DBH: variants seen among roughly 807,000 people sequenced by gnomAD.
The protein encoded by DBH is dopamine beta-hydroxylase, also known as dopamine beta-hydroxylase (dopamine beta-monooxygenase).
In DBH, 49 loss-of-function variants were observed where a neutral mutation model predicts 64.0. The ratio of observed to expected loss-of-function variants is 0.77; its 90% CI spans 0.61 to 0.97. DBH has a LOEUF of 0.97. Among genes scored for constraint, DBH ranks in the 50% least tolerant of loss-of-function variants. The probability of loss-of-function intolerance (pLI) is 0.00; values close to 1 mark genes in which losing one functional copy is unlikely to be tolerated. For synonymous variants in DBH, 343 were observed against 347.1 expected, an observed-to-expected ratio of 0.99 and a Z score of 0.13; for missense variants, 828 against 826.6, an observed-to-expected ratio of 1.00 and a Z score of -0.02.
At position 133,651,624 on chromosome 9, in the gene DBH, G is replaced by A. The variant is rs759611351; in HGVS notation, c.1192-10G>A. On this transcript the variant is annotated splice_polypyrimidine_tract_variant and intron_variant, in intron 6 of 11. Coordinates refer to ENST00000393056, the MANE Select transcript of DBH (RefSeq NM_000787.4). ...TCAGGCCCTGACACTGCAGCCCCCCGACCCCACAGGCACTGCCTCCCTCCG... is the reference window on the plus strand; with the variant it reads ...TCAGGCCCTGACACTGCAGCCCCCCAACCCCACAGGCACTGCCTCCCTCCG... 37 of 1,613,056 alleles carry A rather than the reference G, an allele frequency of 2.3e-5. No individual in the cohort carries two copies. Among genetic ancestry groups the A allele is most frequent in the African/African-American group, 4.0e-5 (3 of 74,912 alleles).
intron 6 of DBH, among the ~76,000 whole-genome samples, chr9:133,649,735 C>T (rs1313171479): frequency 6.6e-6 from 1 of 152,254 alleles, no homozygotes; most frequent in Non-Finnish European, 1.5e-5. Flanking sequence ...ATGTAAAAGG[C>T]ACCTTGGCCA....
rs201681337 is a variant in DBH, at chr9:133,643,569, G to T, written c.901G>T (p.Ala301Ser). 4 of 1,613,320 alleles carry T rather than the reference G, an allele frequency of 2.5e-6. No homozygotes were observed. The highest frequency in any genetic ancestry group is 2.7e-5 in the African/African-American group (2 of 74,846). Residue 301 changes from alanine (A) to serine (S), a missense_variant, in exon 4 of 12, where the codon GCC (alanine) becomes TCC (serine). Transcript: ENST00000393056. The surrounding 1 kb of genome is among the most constrained non-coding windows in gnomAD (Gnocchi z 5.3). ...RLNYCRHVLA[A>S]WALGAKAFYY... The stretch of plus-strand genomic sequence containing the variant: ...CAACTACTGCCGCCACGTGCTGGCC[G>T]CCTGGGCCCTGGGTGCCAAGGTGCG...
At chr9:133,653,089 C>G (rs1036210988) in intron 9 of DBH, 90 bp downstream of exon 9, 6 of 1,005,548 alleles carry the variant, frequency 6.0e-6, no homozygotes, top group Non-Finnish European at 6.4e-6. Flanking sequence ...TGACTCCTCA[C>G]TTAGGGCATG....
rs77576840 is a variant in DBH at position 133,639,848 on chromosome 9, C to A, written c.342C>A (p.Asp114Glu). ...GAGCCCAGTGCTTGTCTCTGCAGGA[C>A]GCCTGGAGTGACCAGAAGGGGCAGA... is the stretch of plus-strand genomic sequence containing the variant. ...WTDGDTAYFADAWSDQKGQIH... is the reference protein window; with the variant it reads ...WTDGDTAYFAEAWSDQKGQIH... The change falls in exon 2 of 12, where the codon GAC becomes GAA. Residue 114 changes from aspartate to glutamate, a missense_variant and splice_region_variant. By Grantham distance (45) the Asp-to-Glu change is conservative. Coordinates refer to ENST00000393056, the MANE Select transcript of DBH (RefSeq NM_000787.4). The A allele has an allele frequency of 6.2e-6, 10 of 1,609,880 alleles. No homozygotes were observed. The highest frequency in any genetic ancestry group is 1.3e-5 in the African/African-American group (1 of 74,868).
Position 133,636,477 on chromosome 9 carries a change from G to A in DBH, c.106G>A (p.Ala36Thr), listed in dbSNP as rs143544421. 5.5e-5 allele frequency: 89 copies of A among 1,612,892 alleles called. No individual in the cohort carries two copies. The highest frequency in any genetic ancestry group is 8.9e-5 in the East Asian group (4 of 44,872). Reference protein sequence around the residue: ...VAIFLVILVAALQGSAPRESP... With the variant: ...VAIFLVILVATLQGSAPRESP... ...CATCTTCCTGGTCATCCTGGTGGCC[G>A]CACTGCAGGGCTCGGCTCCCCGTGA... The change falls in exon 1 of 12, where the codon GCA (alanine) becomes ACA (threonine). Residue 36 changes from alanine to threonine, a missense_variant. Ala to Thr is a moderately conservative substitution (Grantham distance 58). Transcript: ENST00000393056.
At chr9:133,651,843 A>G in intron 7 of DBH, 66 bp downstream of exon 7, 2 of 1,430,462 alleles carry the variant, frequency 1.4e-6, no homozygotes, top group Non-Finnish European at 1.9e-6. Flanking sequence ...TCCTGGGTCT[A>G]CTGTTTCCTG....
chr9:133,656,356 A>G (rs926871526), intron 9 of DBH, 167 bp from the exon 10 acceptor site: 1 of 814,788 alleles, frequency 1.2e-6, no homozygotes, highest in East Asian at 2.7e-5. Flanking sequence ...TCTCCTGCCA[A>G]TGGTGGCAAT....
intron 2 of DBH, among the ~76,000 whole-genome samples, chr9:133,641,194 G>T (rs1467593340): frequency 6.6e-6 from 1 of 152,256 alleles, no homozygotes; most frequent in Admixed American, 6.5e-5. Context: ...CGGAATCTAA[G>T]AAAACAGAAC....
chr9:133,654,228 T>C (rs1451721309), intron 9 of DBH, among the ~76,000 whole-genome samples: 1 of 152,132 alleles, frequency 6.6e-6, no homozygotes, highest in Non-Finnish European at 1.5e-5. Flanking sequence ...CTCAGCCTCC[T>C]GAATAGCTGG....
At position 133,647,896 on chromosome 9, in the gene DBH, C is replaced by A; in HGVS notation, c.1075C>A (p.Arg359Ser). ...IRLYYTAKLR[R>S]FNAGIMELGL... ...CTTGTACTACACAGCCAAGCTGCGGCGCTTCAACGCGGGGATCATGGAGCT... is the reference window on the plus strand; with the variant it reads ...CTTGTACTACACAGCCAAGCTGCGGAGCTTCAACGCGGGGATCATGGAGCT... Residue 359 changes from arginine (R) to serine (S), a missense_variant, in exon 6 of 12, where the codon CGC (arginine) becomes AGC (serine). Transcript: ENST00000393056. 1 of 1,614,202 alleles carries A rather than the reference C, an allele frequency of 6.2e-7. No homozygotes were observed. Among genetic ancestry groups the A allele is most frequent in the Non-Finnish European group, 8.5e-7 (1 of 1,180,042 alleles).
At chr9:133,656,140 T>C (rs919965630) in intron 9 of DBH, 11 of 334,004 alleles carry the variant, frequency 3.3e-5, no homozygotes, top group African/African-American at 2.1e-4. Flanking sequence ...TTCCAGACAA[T>C]GGCCGGGACG....
Position 133,656,634 on chromosome 9 carries a change from T to C in DBH, c.1546T>C (p.Phe516Leu), listed in dbSNP as rs961601560. 10 of 1,612,560 alleles carry C rather than the reference T, an allele frequency of 6.2e-6. No individual in the cohort carries two copies. Among genetic ancestry groups the C allele is most frequent in the Admixed American group, 3.3e-5 (2 of 59,982 alleles). The change falls in exon 10 of 12, where the codon TTC becomes CTC. Residue 516 changes from phenylalanine to leucine, a missense_variant. Coordinates refer to ENST00000393056, the MANE Select transcript of DBH (RefSeq NM_000787.4). ...AVDAGFLQKY[F>L]HLINRFNNED... ...GGACGCCGGCTTCCTGCAGAAGTAC[T>C]TCCACCTCATCAACAGGTGAGGGCT...
chr9:133,656,456 G>A (rs542510439), intron 9 of DBH, 67 bp from the exon 10 acceptor site: 54 of 1,610,004 alleles, frequency 3.4e-5, no homozygotes, highest in South Asian at 2.5e-4. Context: ...TGGGTGCGGC[G>A]AAAGCTGCTG....
At chr9:133,654,312 C>T (rs1391795878) in intron 9 of DBH, among the ~76,000 whole-genome samples, 2 of 152,100 alleles carry the variant, frequency 1.3e-5, no homozygotes, top group Non-Finnish European at 2.9e-5. Flanking sequence ...CCATGTTGGC[C>T]AGGCTGGTCT....
At chr9:133,642,493 C>A in intron 3 of DBH, 29 bp downstream of exon 3, 1 of 1,582,444 alleles carries the variant, frequency 6.3e-7, no homozygotes, top group Non-Finnish European at 8.6e-7. Context: ...CCGAGGTCCT[C>A]GCCCAGCCCT....
chr9:133,656,937 C>G (rs73662175), intron 10 of DBH, 133 bp from the exon 11 acceptor site: 1 of 1,095,726 alleles, frequency 9.1e-7, no homozygotes, highest in African/African-American at 1.5e-5. Flanking sequence ...GCGGAGGCAG[C>G]GGGGCTGGGG....
At position 133,644,209 on chromosome 9, in the gene DBH, C is replaced by G. The variant is rs1169789308; in HGVS notation, c.922-9C>G. 6.2e-7 allele frequency: 1 copy of G among 1,609,064 alleles called. No individual in the cohort carries two copies. The highest frequency in any genetic ancestry group is 8.5e-7 in the Non-Finnish European group (1 of 1,175,364). On this transcript the variant is annotated splice_polypyrimidine_tract_variant and intron_variant, in intron 4 of 11. Coordinates refer to ENST00000393056, the MANE Select transcript of DBH (RefSeq NM_000787.4). ...CACACCCGTCTGTCTGACACCTTGC[C>G]CCACACAGGCATTTTACTACCCAGA...
Position 133,639,928 on chromosome 9 carries a change from A to C in DBH, c.422A>C (p.Glu141Ala), listed in dbSNP as rs764049730. Residue 141 changes from glutamate to alanine, a missense_variant, in exon 2 of 12, where the codon GAA becomes GCA. Transcript: ENST00000393056. ...CTGCTGCAGGTGCAGAGGACCCCAG[A>C]AGGCCTGACCCTGCTTTTCAAGAGG... ...YQLLQVQRTP[E>A]GLTLLFKRPF... 3 of 1,613,814 alleles carry C rather than the reference A, an allele frequency of 1.9e-6. No homozygotes were observed. The highest frequency in any genetic ancestry group is 2.5e-6 in the Non-Finnish European group (3 of 1,179,952).
Position 133,643,713 on chromosome 9 carries a change from G to T in DBH, c.921+124G>T. ...AGGGGCTCCCAAGGGGGCTCACGAG[G>T]CCACCAGAAGGGCCAGGCCTGAGGT... On this transcript the variant is annotated intron_variant, in intron 4 of 11. Coordinates refer to ENST00000393056, the MANE Select transcript of DBH (RefSeq NM_000787.4). The surrounding 1 kb of genome is among the most constrained non-coding windows in gnomAD (Gnocchi z 5.3). 1 of 1,112,676 alleles carries T rather than the reference G, an allele frequency of 9.0e-7. No individual in the cohort carries two copies. Among genetic ancestry groups the T allele is most frequent in the South Asian group, 1.4e-5 (1 of 70,722 alleles). 68.9% of individuals were successfully genotyped at this position (1,112,676 alleles called of 1,614,324 possible). A position where few individuals can be genotyped will look rare whatever the true frequency, so the allele number is the denominator to read the frequency against.
Sources: gnomAD v4.1 joint callset for allele counts (sites outside exome capture counted in the v4.1 genomes callset) on GRCh38, gnomAD v4.1.1 for gene constraint, Gnocchi (gnomAD v3.1) non-coding constraint, MANE v1.5 for transcripts, NCBI Gene and HGNC (gene_info 2026-07-23, HGNC 2026-07-21) for gene names.